The following WDHD1 variants were observed in gnomAD, a reference collection of about 807,000 sequenced individuals.
WDHD1 encodes WD repeat and HMG-box DNA-binding protein 1.
WDHD1 carries 111 observed loss-of-function variants against 135.4 expected under a neutral mutation model. That is an observed-to-expected ratio of 0.82 (90% CI 0.70 to 0.96). The LOEUF is 0.96. WDHD1 is among the 40% of genes least tolerant of loss of function. The pLI, the probability that WDHD1 is intolerant of heterozygous loss-of-function variation, is 0.00. For missense variants in WDHD1, 1,351 were observed against 1,336.3 expected (o/e 1.01, Z -0.17); for synonymous variants, 434 against 439.0 (o/e 0.99, Z 0.14).
chr14:54,997,099 T>C (rs2041894497), intron 10 of WDHD1, among the ~76,000 whole-genome samples: 1 of 143,852 alleles, frequency 7.0e-6, no homozygotes, highest in Admixed American at 6.9e-5. Context: ...CTTTTTTTTT[T>C]TTTTTTTTTT....
At chr14:55,012,849 T>A (rs540344539) in intron 3 of WDHD1, among the ~76,000 whole-genome samples, 3 of 152,226 alleles carry the variant, frequency 2.0e-5, no homozygotes, top group Admixed American at 2.0e-4. Context: ...TACTTCTCAG[T>A]AGACCCCACC....
At chr14:54,972,440 T>C (rs937660260) in intron 16 of WDHD1, among the ~76,000 whole-genome samples, 5 of 149,552 alleles carry the variant, frequency 3.3e-5, no homozygotes, top group African/African-American at 1.2e-4. Flanking sequence ...TAGCTGGGTG[T>C]GGTGGTGAAC....
At chr14:55,013,031 A>G (rs1429182901) in intron 3 of WDHD1, among the ~76,000 whole-genome samples, 3 of 152,018 alleles carry the variant, frequency 2.0e-5, no homozygotes, top group Non-Finnish European at 2.9e-5. Flanking sequence ...TAATTGGTTC[A>G]CCATTCATGT....
At chr14:55,020,970 C>T (rs2042336343) in intron 2 of WDHD1, among the ~76,000 whole-genome samples, 1 of 152,166 alleles carries the variant, frequency 6.6e-6, no homozygotes, top group African/African-American at 2.4e-5. Flanking sequence ...TCCTTATCGT[C>T]TTCACAGTGA....
intron 16 of WDHD1, among the ~76,000 whole-genome samples, chr14:54,980,141 A>G (rs1015643624): frequency 2.0e-5 from 3 of 152,224 alleles, no homozygotes; most frequent in East Asian, 1.9e-4. Flanking sequence ...CCTAGGCAAC[A>G]TGGTGAAACC....
intron 12 of WDHD1, among the ~76,000 whole-genome samples, chr14:54,989,921 C>G (rs1006395640): frequency 6.6e-6 from 1 of 152,156 alleles, no homozygotes; most frequent in African/African-American, 2.4e-5. Context: ...ACCTTGGCCT[C>G]CCAAAGTGCT....
intron 2 of WDHD1, 146 bp from the exon 3 acceptor site, chr14:55,013,742 C>CA (rs1395790043): frequency 8.4e-6 from 5 of 597,248 alleles, no homozygotes; most frequent in South Asian, 2.3e-5. Flanking sequence ...CTAGTCTCTA[C>CA]AAAAAATTAA....
At chr14:55,018,764 T>C (rs1477033150) in intron 2 of WDHD1, among the ~76,000 whole-genome samples, 2 of 152,206 alleles carry the variant, frequency 1.3e-5, no homozygotes, top group East Asian at 3.8e-4. Flanking sequence ...TTAAAAAATA[T>C]TATAGTCTAG....
chr14:55,005,458 T>TA (rs2042050066), intron 7 of WDHD1: 1 of 568,108 alleles, frequency 1.8e-6, no homozygotes, highest in Admixed American at 1.9e-5. Context: ...TCCTGGATGA[T>TA]ATGACACTGA....
At chr14:54,966,734 T>A in intron 17 of WDHD1, 128 bp from the exon 18 acceptor site, 1 of 1,093,804 alleles carries the variant, frequency 9.1e-7, no homozygotes. Context: ...TATAAGTTTA[T>A]TTTACAATTT....
Position 54,963,003 on chromosome 14 carries a change from T to G in WDHD1, c.2480A>C (p.Gln827Pro), listed in dbSNP as rs1365479479. 2 of 1,613,796 alleles carry G rather than the reference T, an allele frequency of 1.2e-6. No individual in the cohort carries two copies. The highest frequency in any genetic ancestry group is 1.7e-6 in the Non-Finnish European group (2 of 1,179,934). The change falls in exon 19 of 26, where the codon CAG (glutamine) becomes CCG (proline). Residue 827 changes from glutamine (Q) to proline (P), a missense_variant. By Grantham distance (76) the Gln-to-Pro change is moderately conservative (BLOSUM62 -1). Around this residue, in one of 2 missense-constraint regions of WDHD1, gnomAD observed 1,330 missense variants for 1,296.1 expected, o/e 1.03. Coordinates refer to ENST00000360586, the MANE Select transcript of WDHD1 (RefSeq NM_007086.4). ...VEKAAELTAT[Q>P]VEEEEEEEDF... is the part of the protein sequence containing the mutation. The stretch of plus-strand genomic sequence containing the variant: ...TTCTTCTTCTTCTTCCTCTTCCACC[T>G]GGGTTGCTGTCAATTCGGCTGCCTT...
intron 11 of WDHD1, among the ~76,000 whole-genome samples, chr14:54,991,907 G>C (rs150191927): frequency 6.6e-6 from 1 of 152,110 alleles, no homozygotes; most frequent in Non-Finnish European, 1.5e-5. Flanking sequence ...TGAATGAAGT[G>C]AGCCTATCAA....
rs1049717306 is a variant in WDHD1, at chr14:54,940,341, C to T, written c.*1149G>A. ...TGTGCTATAATGTCTCTGATAGCAG[C>T]TACTAATTAAAAAATAAAAAATGTA... is the stretch of plus-strand genomic sequence containing the variant. On this transcript the variant is annotated 3_prime_UTR_variant, in exon 26 of 26. Coordinates refer to ENST00000360586, the MANE Select transcript of WDHD1 (RefSeq NM_007086.4). 18 of 152,076 alleles carry T rather than the reference C, an allele frequency of 1.2e-4. No homozygotes were observed. Among genetic ancestry groups the T allele is most frequent in the African/African-American group, 4.3e-4 (18 of 41,390 alleles). The allele number at this position is 152,076 out of a possible 1,614,324, so 9.4% of individuals were successfully genotyped here.
intron 24 of WDHD1, among the ~76,000 whole-genome samples, chr14:54,949,307 A>C (rs181368143): frequency 1.6e-3 from 241 of 152,338 alleles, no homozygotes; most frequent in Non-Finnish European, 6.3e-4. Context: ...AACTCCTCAA[A>C]TGACCTGATG....
chr14:54,954,701 C>A (rs187618352), intron 24 of WDHD1, among the ~76,000 whole-genome samples: 1 of 152,098 alleles, frequency 6.6e-6, no homozygotes, highest in Non-Finnish European at 1.5e-5. Context: ...TTTCTGATAG[C>A]CTTGCTATAG....
intron 13 of WDHD1, among the ~76,000 whole-genome samples, chr14:54,988,369 G>C (rs9323273): frequency 0.035 from 5,294 of 151,936 alleles, 341 homozygotes; most frequent in African/African-American, 0.12. Context: ...TAAAGACGTA[G>C]TGACAAAAAT....
intron 7 of WDHD1, among the ~76,000 whole-genome samples, chr14:55,004,286 G>T (rs1347529429): frequency 6.7e-6 from 1 of 150,290 alleles, no homozygotes; most frequent in African/African-American, 2.5e-5. Context: ...ATATACATTT[G>T]GTTCTATTTA....
At chr14:54,944,130 GTTATTA>G (rs1245607943) in intron 25 of WDHD1, among the ~76,000 whole-genome samples, 196 bp downstream of exon 25, 1 of 151,018 alleles carries the variant, frequency 6.6e-6, no homozygotes, top group African/African-American at 2.4e-5. Flanking sequence ...CTTTGTTGTT[GTTATTA>G]TTATTATTAG....
At chr14:54,965,033 T>C (rs764313667) in intron 18 of WDHD1, among the ~76,000 whole-genome samples, 1 of 152,248 alleles carries the variant, frequency 6.6e-6, no homozygotes, top group Non-Finnish European at 1.5e-5. Context: ...TAGTGAGTAC[T>C]ACCTTTTGGA....
Sources: allele counts gnomAD v4.1 joint callset (sites outside exome capture counted in the v4.1 genomes callset), GRCh38; gene constraint gnomAD v4.1.1; regional missense constraint gnomAD v4.1.1; transcripts MANE v1.5; gene names NCBI Gene and HGNC (gene_info 2026-07-23, HGNC 2026-07-21).